The following ZNF827 variants were observed in gnomAD, a reference collection of about 807,000 sequenced individuals.
ZNF827 encodes the protein zinc finger protein 827.
ZNF827 carries 13 observed loss-of-function variants against 102.4 expected under a neutral mutation model. The observed-to-expected ratio is 0.13, with a 90% CI of 0.08 to 0.20. The LOEUF (loss-of-function observed/expected upper bound fraction) is 0.20. Among genes scored for constraint, ZNF827 ranks in the 10% least tolerant of loss-of-function variants. The pLI is 1.00. For synonymous variants in ZNF827, 523 were observed against 536.2 expected (o/e 0.98, Z 0.34); for missense variants, 1,103 against 1,344.4 (o/e 0.82, Z 2.81).
chr4:145,914,214 A>C (rs1752508028), intron 1 of ZNF827, among the ~76,000 whole-genome samples: 1 of 152,144 alleles, frequency 6.6e-6, no homozygotes, highest in Non-Finnish European at 1.5e-5. Flanking sequence ...ATCCAGAAAG[A>C]AAAGGGCCGT....
chr4:145,766,729 T>A (rs1735362255), intron 11 of ZNF827, among the ~76,000 whole-genome samples: 1 of 152,184 alleles, frequency 6.6e-6, no homozygotes, highest in African/African-American at 2.4e-5. Flanking sequence ...AAAAGCCACC[T>A]GAAAAGCTTA....
intron 8 of ZNF827, among the ~76,000 whole-genome samples, chr4:145,796,980 T>C (rs1740451017): frequency 1.3e-5 from 2 of 152,258 alleles, no homozygotes; most frequent in South Asian, 4.1e-4. Context: ...CTTCATTTCA[T>C]AGATACCAAA....
chr4:145,897,895 C>G (rs1004213953), intron 2 of ZNF827, among the ~76,000 whole-genome samples: 1 of 152,174 alleles, frequency 6.6e-6, no homozygotes, highest in African/African-American at 2.4e-5. Flanking sequence ...TGCTTCATGC[C>G]TGTAATCCCA....
chr4:145,770,125 C>T (rs1300103040), intron 11 of ZNF827, among the ~76,000 whole-genome samples: 2 of 152,022 alleles, frequency 1.3e-5, no homozygotes, highest in African/African-American at 4.8e-5. Context: ...GGCAAAACCC[C>T]ATCTCTACTA....
At chr4:145,823,327 A>C in intron 8 of ZNF827, 95 bp downstream of exon 8, 1 of 1,024,070 alleles carries the variant, frequency 9.8e-7, no homozygotes, top group Non-Finnish European at 1.5e-6. Context: ...GAATAACTAC[A>C]TCCGTAAGCT....
chr4:145,881,200 C>T (rs1473557470), intron 4 of ZNF827, among the ~76,000 whole-genome samples: 2 of 152,340 alleles, frequency 1.3e-5, no homozygotes, highest in East Asian at 3.9e-4. Context: ...AACACCTTTG[C>T]TGTTTAATGG....
At chr4:145,777,069 AC>A (rs553332646) in intron 9 of ZNF827, among the ~76,000 whole-genome samples, 11 of 152,188 alleles carry the variant, frequency 7.2e-5, no homozygotes, top group Non-Finnish European at 1.6e-4. Flanking sequence ...TAAAGGAAAT[AC>A]CTGTCTTCTT....
intron 1 of ZNF827, among the ~76,000 whole-genome samples, chr4:145,929,263 T>C (rs974672567): frequency 1.3e-5 from 2 of 152,334 alleles, no homozygotes; most frequent in Middle Eastern, 3.4e-3. Flanking sequence ...TCTGTGTAAA[T>C]AAACTATTAC....
intron 8 of ZNF827, among the ~76,000 whole-genome samples, chr4:145,802,192 T>C (rs541104858): frequency 6.6e-6 from 1 of 152,320 alleles, no homozygotes; most frequent in Admixed American, 6.5e-5. Flanking sequence ...CCCACTTAAA[T>C]TCACTTTATC....
chr4:145,809,243 CAAAATG>C (rs1278549585), intron 8 of ZNF827, among the ~76,000 whole-genome samples: 2 of 152,150 alleles, frequency 1.3e-5, no homozygotes, highest in Non-Finnish European at 2.9e-5. Flanking sequence ...CTCCTTTGTT[CAAAATG>C]AAACTAACTT....
At chr4:145,786,753 G>A (rs753113509) in intron 8 of ZNF827, among the ~76,000 whole-genome samples, 7 of 152,200 alleles carry the variant, frequency 4.6e-5, no homozygotes, top group Non-Finnish European at 2.9e-5. Flanking sequence ...GTCAGCTGTG[G>A]TTATGACTCT....
In ZNF827 at chr4:145,765,622, C is replaced by T. The variant is rs771220958; in HGVS notation, c.2977G>A (p.Gly993Arg). 3.0e-5 allele frequency: 49 copies of T among 1,613,980 alleles called. No homozygotes were observed. The highest frequency in any genetic ancestry group is 4.4e-5 in the South Asian group (4 of 91,070). ...ACAGAGATGACCAGCAGATTGTTCC[C>T]GCCCTTGTTTTTCTGGGAGCCATCT... Reference protein sequence around the residue: ...DSDGSQKNKGGNNLLVISVMP... With the variant: ...DSDGSQKNKGRNNLLVISVMP... Residue 993 changes from glycine (G) to arginine (R), a missense_variant, in exon 12 of 15, where the codon GGG becomes AGG. Physicochemically the swap from Gly to Arg is moderately radical, Grantham distance 125. Coordinates refer to ENST00000508784, the MANE Select transcript of ZNF827 (RefSeq NM_001306215.2). This position sits in a 1 kb window ranked among gnomAD's most constrained non-coding sequence, Gnocchi z 4.7.
chr4:145,867,760 T>C (rs1015030043), intron 5 of ZNF827, among the ~76,000 whole-genome samples: 3 of 152,092 alleles, frequency 2.0e-5, no homozygotes, highest in East Asian at 1.9e-4. Context: ...CAGGAAGCAA[T>C]AGGAACTCCT....
At chr4:145,837,476 C>CA (rs570621829) in intron 7 of ZNF827, among the ~76,000 whole-genome samples, 36,907 of 150,708 alleles carry the variant, frequency 0.24, 4,786 homozygotes, top group Non-Finnish European at 0.28. Flanking sequence ...TGCCCCCCAC[C>CA]AAAAAAAAAC....
At chr4:145,936,894 C>T (rs1377516217) in intron 1 of ZNF827, among the ~76,000 whole-genome samples, 2 of 152,048 alleles carry the variant, frequency 1.3e-5, no homozygotes, top group African/African-American at 2.4e-5. Flanking sequence ...AGCGCCAAAC[C>T]GCCGGGAGAG....
At chr4:145,892,748 C>G (rs942336425) in intron 2 of ZNF827, among the ~76,000 whole-genome samples, 3 of 151,664 alleles carry the variant, frequency 2.0e-5, no homozygotes, top group Non-Finnish European at 4.4e-5. Flanking sequence ...CCCAAGGGCA[C>G]CATGCACAGT....
At chr4:145,764,934 G>A (rs1479738867) in intron 13 of ZNF827, 54 bp downstream of exon 13, 9 of 1,607,740 alleles carry the variant, frequency 5.6e-6, no homozygotes, top group Admixed American at 5.0e-5. Context: ...GTAGGGAAGG[G>A]GAAAGGGTAT....
intron 1 of ZNF827, among the ~76,000 whole-genome samples, chr4:145,924,524 GTGTC>G (rs1471429682): frequency 6.6e-6 from 1 of 152,196 alleles, no homozygotes; most frequent in Non-Finnish European, 1.5e-5. Context: ...CCCTGGCTGA[GTGTC>G]TGCAGCACTG....
chr4:145,913,377 G>A (rs1385254321), intron 1 of ZNF827, among the ~76,000 whole-genome samples: 1 of 134,334 alleles, frequency 7.4e-6, no homozygotes, highest in Non-Finnish European at 1.5e-5. Flanking sequence ...AGTGAGTCAC[G>A]ACTGCACCAC....
Sources: gnomAD v4.1 joint callset for allele counts (sites outside exome capture counted in the v4.1 genomes callset) on GRCh38, gnomAD v4.1.1 for gene constraint, Gnocchi (gnomAD v3.1) non-coding constraint, MANE v1.5 for transcripts, NCBI Gene and HGNC (gene_info 2026-07-23, HGNC 2026-07-21) for gene names.